Variants in UBE2E2 observed in about 807,000 individuals in gnomAD.
UBE2E2 encodes ubiquitin conjugating enzyme E2 E2.
UBE2E2 carries 6 observed loss-of-function variants against 24.7 expected under a neutral mutation model. That is an observed-to-expected ratio of 0.24 (90% CI 0.13 to 0.48). The LOEUF is 0.48. Ranked by LOEUF, UBE2E2 falls within the 20% of genes least tolerant of loss-of-function variation. UBE2E2 has a pLI of 0.99. For synonymous variants in UBE2E2, 104 were observed against 83.6 expected (o/e 1.24, Z -1.33); for missense variants, 169 against 245.0 (o/e 0.69, Z 2.07).
chr3:23,334,394 A>G lies in UBE2E2; in HGVS notation c.227+117082A>G, dbSNP rs542198638. On this transcript the variant is annotated intron_variant, in intron 3 of 5. Coordinates refer to ENST00000396703, the MANE Select transcript of UBE2E2 (RefSeq NM_152653.4). ...GAGATCTCTTTCTCCATCACTATTG[A>G]TGGGGCACAGCCGTTGGTGTGTAAA... Among the ~76,000 whole-genome samples, 29 of 151,966 alleles carry G rather than the reference A, an allele frequency of 1.9e-4. 1 individual carries two copies. In the South Asian group the frequency reaches 5.8e-3, roughly 31 times the overall value.
chr3:23,424,310 AT>A (rs937635661), intron 3 of UBE2E2, among the ~76,000 whole-genome samples: 8 of 152,174 alleles, frequency 5.3e-5, no homozygotes, highest in Non-Finnish European at 1.2e-4. Flanking sequence ...GGTACAGATG[AT>A]TTCCTAAATG....
At chr3:23,332,871 A>G (rs368915770) in intron 3 of UBE2E2, among the ~76,000 whole-genome samples, 128 of 152,324 alleles carry the variant, frequency 8.4e-4, no homozygotes, top group African/African-American at 2.5e-3. Flanking sequence ...AAAGAAACCC[A>G]GCACTTTATA....
At chr3:23,225,997 A>G (rs1696811503) in intron 3 of UBE2E2, among the ~76,000 whole-genome samples, 2 of 152,072 alleles carry the variant, frequency 1.3e-5, no homozygotes, top group South Asian at 2.1e-4. Context: ...CTCTTGCCTG[A>G]GCCTTCTGAG....
In UBE2E2 at chr3:23,591,083, G is replaced by T. The variant is rs1467806107; in HGVS notation, c.*1252G>T. 1 of 152,202 alleles carries T rather than the reference G, an allele frequency of 6.6e-6. No homozygotes were observed. The highest frequency in any genetic ancestry group is 1.5e-5 in the Non-Finnish European group (1 of 68,038). The allele number at this position is 152,202 out of a possible 1,614,324, so 9.4% of individuals were successfully genotyped here. A position where few individuals can be genotyped will look rare whatever the true frequency, so the allele number is the denominator to read the frequency against. ...AGCCCATTCAATGACAAGGGTGTCT[G>T]TCTGGCTTCACCTTCAGGCTATTTT... is the stretch of plus-strand genomic sequence containing the variant. On this transcript the variant is annotated 3_prime_UTR_variant, in exon 6 of 6. Coordinates refer to ENST00000396703, the MANE Select transcript of UBE2E2 (RefSeq NM_152653.4).
At chr3:23,352,351 A>G (rs571146908) in intron 3 of UBE2E2, among the ~76,000 whole-genome samples, 213 of 152,302 alleles carry the variant, frequency 1.4e-3, no homozygotes, top group African/African-American at 4.9e-3. Context: ...AACACATTCA[A>G]AACCTAGCAG....
chr3:23,318,634 A>AG (rs1694650093), intron 3 of UBE2E2, among the ~76,000 whole-genome samples: 1 of 152,312 alleles, frequency 6.6e-6, no homozygotes, highest in Non-Finnish European at 1.5e-5. Flanking sequence ...GCCAAGTGAA[A>AG]GGGGAAACCC....
At chr3:23,261,749 C>T (rs1697906696) in intron 3 of UBE2E2, among the ~76,000 whole-genome samples, 1 of 152,176 alleles carries the variant, frequency 6.6e-6, no homozygotes, top group African/African-American at 2.4e-5. Flanking sequence ...CTTCACTTAG[C>T]ATAATGCGCT....
At chr3:23,465,657 C>T (rs1575648392) in intron 3 of UBE2E2, among the ~76,000 whole-genome samples, 1 of 152,256 alleles carries the variant, frequency 6.6e-6, no homozygotes, top group South Asian at 2.1e-4. Context: ...CTTCCCTGAT[C>T]AGATCTACAG....
chr3:23,539,232 T>G (rs1157212279), intron 5 of UBE2E2, among the ~76,000 whole-genome samples: 1 of 152,226 alleles, frequency 6.6e-6, no homozygotes, highest in Non-Finnish European at 1.5e-5. Flanking sequence ...GATATCCTCC[T>G]CAAACATCCA....
intron 3 of UBE2E2, among the ~76,000 whole-genome samples, chr3:23,312,789 G>A (rs926910038): frequency 6.6e-6 from 1 of 151,904 alleles, no homozygotes; most frequent in Non-Finnish European, 1.5e-5. Flanking sequence ...GCTGTGTTGT[G>A]TTTTCATTAT....
In UBE2E2 at chr3:23,499,701, CATT is replaced by C; in HGVS notation, c.323_325del (p.Ile108del). ...ATGAAGGAGGGGTGTTCTTTCTTGA[CATT>C]ACCTTTTCACCAGACTATCCGTTTA... is the stretch of plus-strand genomic sequence containing the variant. On this transcript the variant is annotated inframe_deletion, in exon 4 of 6. Transcript: ENST00000396703. The C allele has an allele frequency of 6.2e-7, 1 of 1,613,934 alleles. No homozygotes were observed. The highest frequency in any genetic ancestry group is 2.2e-5 in the East Asian group (1 of 44,858).
At chr3:23,517,178 A>G (rs1694761753) in intron 4 of UBE2E2, among the ~76,000 whole-genome samples, 3 of 152,166 alleles carry the variant, frequency 2.0e-5, no homozygotes, top group Admixed American at 2.0e-4. Context: ...TATTTGAAGT[A>G]GACACAATGT....
rs150341837 is a variant in UBE2E2, at chr3:23,462,555, A to G, written c.228-37053A>G. Among the ~76,000 whole-genome samples the G allele has an allele frequency of 4.5e-3, 678 of 151,750 alleles. 5 individuals carry two copies. Among genetic ancestry groups the G allele is most frequent in the Admixed American group, 0.011 (163 of 15,200 alleles). The stretch of plus-strand genomic sequence containing the variant: ...TTCACCCCAGCACAGTCCTTTCCCT[A>G]CTCCTCTTTGCTAGGCACCAGTCTA... On this transcript the variant is annotated intron_variant, in intron 3 of 5. Coordinates refer to ENST00000396703, the MANE Select transcript of UBE2E2 (RefSeq NM_152653.4).
At chr3:23,228,473 C>CT (rs1443805190) in intron 3 of UBE2E2, among the ~76,000 whole-genome samples, 2 of 152,080 alleles carry the variant, frequency 1.3e-5, no homozygotes, top group African/African-American at 4.8e-5. Context: ...TCCCATACCC[C>CT]TTTTATCTTT....
intron 3 of UBE2E2, among the ~76,000 whole-genome samples, chr3:23,486,833 T>C (rs1699383749): frequency 6.6e-6 from 1 of 152,182 alleles, no homozygotes; most frequent in South Asian, 2.1e-4. Context: ...AAAAGCACCA[T>C]TCGACTGGCT....
intron 3 of UBE2E2, among the ~76,000 whole-genome samples, chr3:23,408,601 C>G (rs1203548673): frequency 1.3e-5 from 2 of 152,000 alleles, no homozygotes; most frequent in South Asian, 4.1e-4. Context: ...ATATATAGGA[C>G]CTGAATTTGA....
In UBE2E2 at chr3:23,499,668, A is replaced by C. The variant is rs1473328952; in HGVS notation, c.288A>C (p.Gly96=). The C allele has an allele frequency of 6.2e-7, 1 of 1,614,008 alleles. No homozygotes were observed. The highest frequency in any genetic ancestry group is 1.7e-5 in the Admixed American group (1 of 60,010). The change falls in exon 4 of 6, where the codon GGA becomes GGC. Residue 96 remains glycine (G), a synonymous_variant. Coordinates refer to ENST00000396703, the MANE Select transcript of UBE2E2 (RefSeq NM_152653.4). ...GGTCAACTATATTGGGACCCCCAGG[A>C]TCTGTCTATGAAGGAGGGGTGTTCT... ...EWRSTILGPP[G]SVYEGGVFFL...
In UBE2E2 at chr3:23,327,500, A is replaced by G. The variant is rs534440334; in HGVS notation, c.227+110188A>G. ...CTCTCACCATCATCTACTCTATTTT[A>G]CTAACATGAAACTCCTTAAGCAGCC... On this transcript the variant is annotated intron_variant, in intron 3 of 5. Transcript: ENST00000396703. Among the ~76,000 whole-genome samples the G allele has an allele frequency of 6.6e-5, 10 of 152,292 alleles. No homozygotes were observed. The East Asian group carries it at 1.5e-3, about 23-fold the overall frequency.
At chr3:23,355,414 T>C (rs946564389) in intron 3 of UBE2E2, among the ~76,000 whole-genome samples, 3 of 152,126 alleles carry the variant, frequency 2.0e-5, no homozygotes, top group African/African-American at 4.8e-5. Context: ...CTTCCTCTTA[T>C]ATCCAAATGC....
Sources: gnomAD v4.1 joint callset for allele counts (sites outside exome capture counted in the v4.1 genomes callset) on GRCh38, gnomAD v4.1.1 for gene constraint, MANE v1.5 for transcripts, NCBI Gene and HGNC (gene_info 2026-07-23, HGNC 2026-07-21) for gene names.